OR9Q1: variants seen among roughly 807,000 people sequenced by gnomAD.
OR9Q1 encodes olfactory receptor 9Q1.
For missense variants in OR9Q1, 374 were observed against 378.8 expected (o/e 0.99, Z 0.11); for synonymous variants, 153 against 148.6 (o/e 1.03, Z -0.22).
intron 2 of OR9Q1, among the ~76,000 whole-genome samples, chr11:58,152,065 G>A (rs974693773): frequency 1.3e-5 from 2 of 152,076 alleles, no homozygotes; most frequent in Admixed American, 6.6e-5. Flanking sequence ...GGAGAACAGC[G>A]GTCCTGAGTT....
intron 1 of OR9Q1, among the ~76,000 whole-genome samples, chr11:58,030,723 A>G (rs1853023595): frequency 6.6e-6 from 1 of 152,188 alleles, no homozygotes; most frequent in South Asian, 2.1e-4. Flanking sequence ...TTCTGCTCAT[A>G]GTATCCTGCC....
chr11:58,170,570 C>T (rs1396349539), intron 2 of OR9Q1, among the ~76,000 whole-genome samples: 2 of 152,150 alleles, frequency 1.3e-5, no homozygotes, highest in Admixed American at 6.6e-5. Flanking sequence ...CATATCTCAT[C>T]TTGAATTGTA....
At chr11:58,024,953 A>C (rs186956146) in intron 1 of OR9Q1, among the ~76,000 whole-genome samples, 1 of 152,126 alleles carries the variant, frequency 6.6e-6, no homozygotes, top group South Asian at 2.1e-4. Flanking sequence ...TTTTTTTGTC[A>C]GAAGCTCTGG....
chr11:58,086,846 G>C (rs940063793), intron 2 of OR9Q1, among the ~76,000 whole-genome samples: 1 of 151,766 alleles, frequency 6.6e-6, no homozygotes, highest in Non-Finnish European at 1.5e-5. Context: ...CAGAGGCTGG[G>C]AGAAGGGAGT....
rs1051618395 is a variant in OR9Q1, at chr11:58,128,832, T to C, written c.-14-50599T>C. ...AAAGCAAATATAATACTAAAGTTTATGTGTCTGTAAAAATGTTAAAAATTT... is the reference window on the plus strand; with the variant it reads ...AAAGCAAATATAATACTAAAGTTTACGTGTCTGTAAAAATGTTAAAAATTT... On this transcript the variant is annotated intron_variant, in intron 2 of 2. Transcript: ENST00000335397. Among the ~76,000 whole-genome samples, 18 of 152,212 alleles carry C rather than the reference T, an allele frequency of 1.2e-4. 1 individual carries two copies. The highest frequency in any genetic ancestry group is 4.3e-4 in the African/African-American group (18 of 41,450).
At chr11:58,055,243 A>C (rs1399063226) in intron 1 of OR9Q1, among the ~76,000 whole-genome samples, 1 of 152,126 alleles carries the variant, frequency 6.6e-6, no homozygotes, top group Non-Finnish European at 1.5e-5. Context: ...CATATAACTC[A>C]ACATAAAAAA....
chr11:58,042,346 G>T (rs928581712), intron 1 of OR9Q1, among the ~76,000 whole-genome samples: 15 of 151,822 alleles, frequency 9.9e-5, no homozygotes, highest in African/African-American at 2.2e-4. Flanking sequence ...AGGGATCCAG[G>T]TTCAGCTTTC....
At chr11:58,161,843 T>G (rs1383856995) in intron 2 of OR9Q1, among the ~76,000 whole-genome samples, 1 of 152,192 alleles carries the variant, frequency 6.6e-6, no homozygotes, top group Non-Finnish European at 1.5e-5. Context: ...TCTGGTTGAT[T>G]TTTGTTACTT....
At chr11:58,122,963 T>G (rs1284539030) in intron 2 of OR9Q1, among the ~76,000 whole-genome samples, 1 of 80,002 alleles carries the variant, frequency 1.2e-5, no homozygotes, top group East Asian at 2.9e-4. Context: ...GTAAATTTTG[T>G]TTTTTTTTTC....
chr11:58,046,533 G>A (rs554822702), intron 1 of OR9Q1, among the ~76,000 whole-genome samples: 4 of 152,298 alleles, frequency 2.6e-5, no homozygotes, highest in African/African-American at 9.6e-5. Context: ...AACTGCAGGA[G>A]GCATGATGAT....
intron 2 of OR9Q1, among the ~76,000 whole-genome samples, chr11:58,143,981 G>A (rs931407775): frequency 3.3e-5 from 5 of 152,046 alleles, no homozygotes; most frequent in Admixed American, 2.0e-4. Flanking sequence ...TATAATTAGT[G>A]AGCAGTGATC....
intron 2 of OR9Q1, among the ~76,000 whole-genome samples, chr11:58,059,613 G>A (rs771897641): frequency 2.1e-5 from 3 of 145,312 alleles, no homozygotes; most frequent in Admixed American, 7.1e-5. Flanking sequence ...GCTTGAACCC[G>A]GGAGACAGAG....
intron 1 of OR9Q1, among the ~76,000 whole-genome samples, chr11:58,028,691 T>C (rs892883222): frequency 5.3e-5 from 8 of 152,272 alleles, no homozygotes; most frequent in African/African-American, 1.9e-4. Flanking sequence ...TGAAATTTCC[T>C]TGAGCCAACA....
At chr11:58,166,091 T>C (rs559557808) in intron 2 of OR9Q1, among the ~76,000 whole-genome samples, 4 of 152,342 alleles carry the variant, frequency 2.6e-5, no homozygotes, top group Admixed American at 2.6e-4. Context: ...ACTTTTTTTA[T>C]TGCAATAGAT....
At chr11:58,163,754 C>CG (rs1854476380) in intron 2 of OR9Q1, among the ~76,000 whole-genome samples, 1 of 152,032 alleles carries the variant, frequency 6.6e-6, no homozygotes, top group East Asian at 1.9e-4. Flanking sequence ...AATAGCTGGG[C>CG]AGGGGGCCGT....
chr11:58,044,597 A>G (rs1438376147), intron 1 of OR9Q1: 2 of 152,110 alleles, frequency 1.3e-5, no homozygotes, highest in Non-Finnish European at 2.9e-5. Context: ...TCCTTCCTTT[A>G]TTAAACCCCT....
In OR9Q1 at chr11:58,070,518, G is replaced by T. The variant is rs538233372; in HGVS notation, c.-15+14571G>T. On this transcript the variant is annotated intron_variant, in intron 2 of 2. Coordinates refer to ENST00000335397, the MANE Select transcript of OR9Q1 (RefSeq NM_001005212.4). Reference sequence around the variant, plus strand: ...CATGCACATCAATTTATGCAAATTGGAACTCACTGGTCTCATGTGGTTGGT... The same window carrying T: ...CATGCACATCAATTTATGCAAATTGTAACTCACTGGTCTCATGTGGTTGGT... Among the ~76,000 whole-genome samples the T allele has an allele frequency of 2.7e-3, 407 of 152,224 alleles. 2 individuals carry two copies. Among genetic ancestry groups the T allele is most frequent in the African/African-American group, 9.3e-3 (386 of 41,528 alleles).
At chr11:58,167,997 T>C (rs1854520953) in intron 2 of OR9Q1, among the ~76,000 whole-genome samples, 1 of 152,214 alleles carries the variant, frequency 6.6e-6, no homozygotes, top group Non-Finnish European at 1.5e-5. Flanking sequence ...AAAGGGAGGC[T>C]GTTGACTGAA....
intron 2 of OR9Q1, among the ~76,000 whole-genome samples, chr11:58,148,631 A>G (rs1854321678): frequency 6.6e-6 from 1 of 152,198 alleles, no homozygotes; most frequent in South Asian, 2.1e-4. Context: ...CAAAAAAGAA[A>G]TGAAGCATGT....
Sources: gnomAD v4.1 joint callset for allele counts (sites outside exome capture counted in the v4.1 genomes callset) on GRCh38, gnomAD v4.1.1 for gene constraint, MANE v1.5 for transcripts, NCBI Gene and HGNC (gene_info 2026-07-23, HGNC 2026-07-21) for gene names.